The following CDH20 variants were observed in gnomAD, a reference collection of about 807,000 sequenced individuals.
CDH20 encodes cadherin-20.
CDH20 carries 29 observed loss-of-function variants against 74.2 expected under a neutral mutation model. The observed-to-expected ratio is 0.39, with a 90% confidence interval of 0.29 to 0.53. The LOEUF (loss-of-function observed/expected upper bound fraction) is 0.53. CDH20 is among the 20% of genes least tolerant of loss of function. The probability of loss-of-function intolerance (pLI) is 0.69; values close to 1 mark genes in which losing one functional copy is unlikely to be tolerated. For missense variants in CDH20, 988 were observed against 1,048.3 expected, an observed-to-expected ratio of 0.94 and a Z score of 0.79; for synonymous variants, 469 against 405.4, an observed-to-expected ratio of 1.16 and a Z score of -1.88.
intron 1 of CDH20, among the ~76,000 whole-genome samples, chr18:61,452,830 C>A (rs1005869286): frequency 1.3e-5 from 2 of 152,104 alleles, no homozygotes; most frequent in Non-Finnish European, 2.9e-5. Context: ...TTCTCCTTCC[C>A]TCTCCTATTT....
At chr18:61,473,252 T>C (rs1910249765) in intron 1 of CDH20, among the ~76,000 whole-genome samples, 1 of 152,216 alleles carries the variant, frequency 6.6e-6, no homozygotes, top group African/African-American at 2.4e-5. Flanking sequence ...AAATTGACTA[T>C]TAAGATTGGA....
At chr18:61,363,148 AT>A (rs1910754722) in intron 1 of CDH20, among the ~76,000 whole-genome samples, 1 of 152,130 alleles carries the variant, frequency 6.6e-6, no homozygotes, top group Admixed American at 6.5e-5. Context: ...GAAAAAGAAG[AT>A]ATTTGATCTT....
chr18:61,415,650 T>C (rs901327344), intron 1 of CDH20, among the ~76,000 whole-genome samples: 1 of 152,230 alleles, frequency 6.6e-6, no homozygotes, highest in East Asian at 1.9e-4. Context: ...CACTCAAAAG[T>C]AGAATGCTGC....
chr18:61,500,545 T>A lies in CDH20; in HGVS notation c.661+43T>A, dbSNP rs182894447. 2.3e-5 allele frequency: 37 copies of A among 1,581,348 alleles called. No individual in the cohort carries two copies. The East Asian group carries it at 4.5e-4, about 19-fold the overall frequency. On this transcript the variant is annotated intron_variant, in intron 4 of 11. Coordinates refer to ENST00000262717, the MANE Select transcript of CDH20 (RefSeq NM_031891.4). ...CGAGTCAGAGGTGTTTATTCCCTGA[T>A]AATTTATAACTGCTGCTATGACAGA... is the stretch of plus-strand genomic sequence containing the variant.
At chr18:61,459,671 A>G (rs1334167642) in intron 1 of CDH20, among the ~76,000 whole-genome samples, 2 of 152,134 alleles carry the variant, frequency 1.3e-5, no homozygotes, top group Admixed American at 1.3e-4. Context: ...CCCCGGGGTG[A>G]CCTCAGAAAA....
chr18:61,442,980 G>A (rs1442559775), intron 1 of CDH20, among the ~76,000 whole-genome samples: 1 of 152,064 alleles, frequency 6.6e-6, no homozygotes, highest in South Asian at 2.1e-4. Context: ...GTGAAAGAGC[G>A]TACGCATATT....
chr18:61,543,995 G>A (rs1913135311), intron 9 of CDH20, among the ~76,000 whole-genome samples: 1 of 152,206 alleles, frequency 6.6e-6, no homozygotes, highest in South Asian at 2.1e-4. Flanking sequence ...GGCCGTGGTG[G>A]AAGAATATAT....
intron 1 of CDH20, among the ~76,000 whole-genome samples, chr18:61,481,173 T>C (rs988198544): frequency 7.9e-5 from 12 of 152,242 alleles, no homozygotes; most frequent in African/African-American, 2.6e-4. Flanking sequence ...GAGCTTACAA[T>C]ATGGAGAAAA....
chr18:61,437,729 T>A (rs1908885298), intron 1 of CDH20, among the ~76,000 whole-genome samples: 1 of 152,132 alleles, frequency 6.6e-6, no homozygotes, highest in African/African-American at 2.4e-5. Flanking sequence ...TCTCTGGACA[T>A]CAGTTCGTGT....
rs183069234 is a variant in CDH20 at position 61,416,587 on chromosome 18, C to G, written c.-152-73815C>G. On this transcript the variant is annotated intron_variant, in intron 1 of 11. Transcript: ENST00000262717. Reference sequence around the variant, plus strand: ...CCAGCCATCTCATCTATATGACAGGCAAGAAGGAAAAATGGGCCTAGGGAA... The same window carrying G: ...CCAGCCATCTCATCTATATGACAGGGAAGAAGGAAAAATGGGCCTAGGGAA... Among the ~76,000 whole-genome samples the G allele has an allele frequency of 2.2e-3, 338 of 152,296 alleles. 2 individuals carry two copies. The highest frequency in any genetic ancestry group is 7.7e-3 in the African/African-American group (319 of 41,552).
chr18:61,523,225 A>AC (rs201933476), intron 6 of CDH20, among the ~76,000 whole-genome samples: 15,545 of 151,426 alleles, frequency 0.1, 1,024 homozygotes, highest in Middle Eastern at 0.16. Context: ...AAGAAAAAAA[A>AC]AAACAAACAA....
Position 61,550,000 on chromosome 18 carries a change from C to G in CDH20, c.1671C>G (p.Thr557=). ...DNQDNTARIL[T]RRSGFRQQEQ... ...CAGATAACACAGCACGGATTCTAAC[C>G]AGGAGGTCTGGTTTCCGGCAGCAGG... The change falls in exon 11 of 12, where the codon ACC becomes ACG. Residue 557 remains threonine, a synonymous_variant. Coordinates refer to ENST00000262717, the MANE Select transcript of CDH20 (RefSeq NM_031891.4). 2 of 1,614,112 alleles carry G rather than the reference C, an allele frequency of 1.2e-6. No individual in the cohort carries two copies. The highest frequency in any genetic ancestry group is 1.7e-6 in the Non-Finnish European group (2 of 1,179,990).
At chr18:61,373,250 C>A (rs1216975707) in intron 1 of CDH20, among the ~76,000 whole-genome samples, 1 of 151,404 alleles carries the variant, frequency 6.6e-6, no homozygotes, top group Non-Finnish European at 1.5e-5. Flanking sequence ...CCACCCCCAT[C>A]TCAATGTATC....
At chr18:61,497,532 G>T (rs1568164589) in intron 2 of CDH20, among the ~76,000 whole-genome samples, 1 of 152,176 alleles carries the variant, frequency 6.6e-6, no homozygotes, top group Admixed American at 6.5e-5. Flanking sequence ...CCCTCCTGGA[G>T]GTCTGTAGGG....
intron 1 of CDH20, among the ~76,000 whole-genome samples, chr18:61,399,790 T>G (rs1231367396): frequency 6.6e-6 from 1 of 152,228 alleles, no homozygotes; most frequent in East Asian, 1.9e-4. Context: ...ATTGCATACT[T>G]TGGTTTACTC....
chr18:61,398,887 G>GTA (rs1912071009), intron 1 of CDH20, among the ~76,000 whole-genome samples: 1 of 152,292 alleles, frequency 6.6e-6, no homozygotes, highest in African/African-American at 2.4e-5. Flanking sequence ...GCCTATATCA[G>GTA]TATGTTCTGA....
At chr18:61,551,913 G>A (rs530471752) in intron 11 of CDH20, among the ~76,000 whole-genome samples, 22 of 152,130 alleles carry the variant, frequency 1.4e-4, no homozygotes, top group Non-Finnish European at 2.9e-4. Context: ...AGTTAAAAAT[G>A]GTGTGCAAGG....
intron 1 of CDH20, among the ~76,000 whole-genome samples, chr18:61,472,631 A>C (rs541930344): frequency 6.6e-6 from 1 of 152,352 alleles, no homozygotes; most frequent in South Asian, 2.1e-4. Flanking sequence ...AGATTGGTCA[A>C]TGAAATAGAA....
chr18:61,398,793 G>A (rs951879474), intron 1 of CDH20, among the ~76,000 whole-genome samples: 5 of 152,124 alleles, frequency 3.3e-5, no homozygotes, highest in Admixed American at 3.3e-4. Context: ...TCACAAAGAA[G>A]CATGGCCCAG....
Sources: allele counts gnomAD v4.1 joint callset (sites outside exome capture counted in the v4.1 genomes callset), GRCh38; gene constraint gnomAD v4.1.1; transcripts MANE v1.5; gene names NCBI Gene and HGNC (gene_info 2026-07-23, HGNC 2026-07-21).